The following FOXN3 variants were observed in gnomAD, a reference collection of about 807,000 sequenced individuals.
FOXN3 encodes the protein forkhead box N3, also known as forkhead box protein N3.
Under a neutral mutation model 38.4 loss-of-function variants are expected in FOXN3, and 7 were observed. The observed-to-expected ratio is 0.18, with a 90% CI of 0.10 to 0.34. The LOEUF is 0.34. Ranked by LOEUF, FOXN3 falls within the 10% of genes least tolerant of loss-of-function variation. The pLI is 1.00. For synonymous variants in FOXN3, 230 were observed against 242.2 expected (o/e 0.95, Z 0.47); for missense variants, 456 against 613.4 (o/e 0.74, Z 2.71).
intron 1 of FOXN3, among the ~76,000 whole-genome samples, chr14:89,563,887 T>A (rs1219259177): frequency 1.3e-5 from 2 of 152,198 alleles, no homozygotes; most frequent in South Asian, 4.1e-4. Context: ...TTTCACTCTA[T>A]CCCCCAGGCT....
At chr14:89,600,439 T>C (rs1896133505) in intron 1 of FOXN3, among the ~76,000 whole-genome samples, 1 of 152,190 alleles carries the variant, frequency 6.6e-6, no homozygotes, top group Admixed American at 6.5e-5. Context: ...GAAATTCCAC[T>C]GTTGTTTGTA....
chr14:89,227,399 A>G (rs974707551), intron 4 of FOXN3, among the ~76,000 whole-genome samples: 3 of 152,200 alleles, frequency 2.0e-5, no homozygotes, highest in Non-Finnish European at 4.4e-5. Flanking sequence ...TTCTTCATCA[A>G]TTGGACTCCC....
intron 1 of FOXN3, among the ~76,000 whole-genome samples, chr14:89,447,842 G>A (rs1335899340): frequency 2.2e-4 from 22 of 101,912 alleles, no homozygotes; most frequent in Non-Finnish European, 4.1e-4. Context: ...TTTTTGAGAC[G>A]GAGCTCACAC....
At chr14:89,551,033 A>G (rs1286621825) in intron 1 of FOXN3, among the ~76,000 whole-genome samples, 1 of 152,240 alleles carries the variant, frequency 6.6e-6, no homozygotes, top group Non-Finnish European at 1.5e-5. Context: ...ACTCTTTCAG[A>G]GAGCAGAGCC....
At chr14:89,300,415 C>T (rs930534565) in intron 3 of FOXN3, among the ~76,000 whole-genome samples, 11 of 152,296 alleles carry the variant, frequency 7.2e-5, no homozygotes, top group African/African-American at 2.6e-4. Flanking sequence ...CTCCTGACCT[C>T]AGGTGATCCA....
chr14:89,531,265 A>C (rs1461915958), intron 1 of FOXN3, among the ~76,000 whole-genome samples: 1 of 151,996 alleles, frequency 6.6e-6, no homozygotes, highest in African/African-American at 2.4e-5. Context: ...CCTGTGAACA[A>C]ATCTCTCAGG....
chr14:89,547,239 ATTTAT>A (rs1894906092), intron 1 of FOXN3, among the ~76,000 whole-genome samples: 1 of 142,628 alleles, frequency 7.0e-6, no homozygotes, highest in South Asian at 2.1e-4. Flanking sequence ...TTATTTATTT[ATTTAT>A]TTATTTATTT....
intron 3 of FOXN3, among the ~76,000 whole-genome samples, chr14:89,336,116 G>T (rs1888445336): frequency 6.9e-6 from 1 of 145,872 alleles, no homozygotes; most frequent in Non-Finnish European, 1.5e-5. Context: ...TTTCGATTTT[G>T]TCTAAAACAG....
intron 4 of FOXN3, among the ~76,000 whole-genome samples, chr14:89,213,731 G>A (rs773909210): frequency 2.6e-5 from 4 of 152,166 alleles, no homozygotes; most frequent in Admixed American, 6.5e-5. Flanking sequence ...TAATAAATAA[G>A]GCCCTTTCCC....
intron 1 of FOXN3, among the ~76,000 whole-genome samples, chr14:89,511,219 CTTT>C (rs1566681109): frequency 6.9e-5 from 1 of 14,588 alleles, no homozygotes; most frequent in Non-Finnish European, 3.0e-4. Flanking sequence ...TTCTTTCTTT[CTTT>C]CTTTCTTTTC....
rs552932266 is a variant in FOXN3 at position 89,272,635 on chromosome 14, T to C, written c.745+8315A>G. Reference sequence around the variant, plus strand: ...GGGAGGCTGAGGCGGGCAGATCACCTGAGGTCAGGAGTTTGAGACCAGCCT... The same window carrying C: ...GGGAGGCTGAGGCGGGCAGATCACCCGAGGTCAGGAGTTTGAGACCAGCCT... On this transcript the variant is annotated intron_variant, in intron 4 of 5. Coordinates refer to ENST00000557258, the MANE Select transcript of FOXN3 (RefSeq NM_005197.4). Among the ~76,000 whole-genome samples, 4 of 152,310 alleles carry C rather than the reference T, an allele frequency of 2.6e-5. No individual in the cohort carries two copies. The South Asian group carries it at 8.3e-4, about 32-fold the overall frequency.
chr14:89,224,562 C>A (rs76073653), intron 4 of FOXN3, among the ~76,000 whole-genome samples: 4 of 152,158 alleles, frequency 2.6e-5, no homozygotes, highest in Non-Finnish European at 4.4e-5. Context: ...CTTATTGAGG[C>A]ACCTACTGTG....
chr14:89,616,877 C>T (rs1436593320), intron 1 of FOXN3, among the ~76,000 whole-genome samples: 1 of 152,190 alleles, frequency 6.6e-6, no homozygotes, highest in Non-Finnish European at 1.5e-5. Context: ...GTTATGAAAT[C>T]TAGGAGACCA....
intron 3 of FOXN3, among the ~76,000 whole-genome samples, chr14:89,313,058 T>G (rs1887609049): frequency 1.3e-5 from 2 of 152,230 alleles, no homozygotes; most frequent in African/African-American, 4.8e-5. Flanking sequence ...ACCAAGTCCC[T>G]GTCTCAGATT....
At chr14:89,438,076 A>G (rs1892307116) in intron 1 of FOXN3, among the ~76,000 whole-genome samples, 1 of 152,282 alleles carries the variant, frequency 6.6e-6, no homozygotes, top group South Asian at 2.1e-4. Context: ...TTTAGCATGC[A>G]TAAGAACACA....
chr14:89,330,873 G>C (rs1419277523), intron 3 of FOXN3, among the ~76,000 whole-genome samples: 1 of 152,190 alleles, frequency 6.6e-6, no homozygotes, highest in Non-Finnish European at 1.5e-5. Context: ...TAAGGCCAGG[G>C]AGCCTGTCCT....
At chr14:89,542,134 C>T (rs2139849547) in intron 1 of FOXN3, among the ~76,000 whole-genome samples, 1 of 152,112 alleles carries the variant, frequency 6.6e-6, no homozygotes, top group East Asian at 1.9e-4. Context: ...AGGAACGCAT[C>T]CACCCTAAGT....
upstream of FOXN3, among the ~76,000 whole-genome samples, chr14:89,420,885 T>TAAAAAAAAAA (rs10654363): frequency 7.1e-6 from 1 of 140,828 alleles, no homozygotes. Context: ...AGATACGAAT[T>TAAAAAAAAAA]AAAAAAAAAA....
intron 4 of FOXN3, among the ~76,000 whole-genome samples, chr14:89,214,015 A>G (rs957389497): frequency 6.6e-6 from 1 of 152,234 alleles, no homozygotes; most frequent in Non-Finnish European, 1.5e-5. Flanking sequence ...CTCTTGGGGC[A>G]ATATGCAAAC....
Sources: allele counts gnomAD v4.1 joint callset (sites outside exome capture counted in the v4.1 genomes callset), GRCh38; gene constraint gnomAD v4.1.1; transcripts MANE v1.5; gene names NCBI Gene and HGNC (gene_info 2026-07-23, HGNC 2026-07-21).